The following GATAD2A variants were observed in gnomAD, a reference collection of about 807,000 sequenced individuals.
GATAD2A encodes GATA zinc finger domain containing 2A, also known as transcriptional repressor p66-alpha.
A neutral mutation model predicts 68.5 loss-of-function variants in GATAD2A; 12 were observed. The ratio of observed to expected loss-of-function variants is 0.18; its 90% confidence interval spans 0.11 to 0.28. The LOEUF (loss-of-function observed/expected upper bound fraction) is 0.28. GATAD2A is among the 10% of genes least tolerant of loss of function. The pLI is 1.00. For missense variants in GATAD2A, 755 were observed against 868.5 expected, an observed-to-expected ratio of 0.87 and a Z score of 1.64; for synonymous variants, 410 against 375.3, an observed-to-expected ratio of 1.09 and a Z score of -1.07.
intron 1 of GATAD2A, among the ~76,000 whole-genome samples, chr19:19,420,548 G>C (rs1379958076): frequency 6.8e-6 from 1 of 148,060 alleles, no homozygotes; most frequent in African/African-American, 2.5e-5. Flanking sequence ...CACTGTGTTA[G>C]CCAGGCTGAT....
chr19:19,440,869 A>G (rs895335452), intron 1 of GATAD2A, among the ~76,000 whole-genome samples: 1 of 152,218 alleles, frequency 6.6e-6, no homozygotes, highest in African/African-American at 2.4e-5. Context: ...GATACCCAAT[A>G]AAGGTAAACA....
chr19:19,429,375 G>A (rs956536003), intron 1 of GATAD2A: 2 of 250,694 alleles, frequency 8.0e-6, no homozygotes, highest in Non-Finnish European at 1.3e-5. Flanking sequence ...GTAGGCAGGC[G>A]TGCTGGGTCT....
chr19:19,502,796 A>G (rs982486927), intron 11 of GATAD2A, among the ~76,000 whole-genome samples: 3 of 152,216 alleles, frequency 2.0e-5, no homozygotes, highest in Non-Finnish European at 4.4e-5. Flanking sequence ...CCTGGCTCAG[A>G]GGGTGCCCCC....
At chr19:19,478,811 C>CAAA (rs796546803) in intron 2 of GATAD2A, among the ~76,000 whole-genome samples, 9 of 93,826 alleles carry the variant, frequency 9.6e-5, no homozygotes, top group African/African-American at 3.0e-4. Flanking sequence ...GACCTTGTCT[C>CAAA]AAAAAAAAAA....
At chr19:19,448,161 C>T (rs967932895) in intron 1 of GATAD2A, among the ~76,000 whole-genome samples, 1 of 152,254 alleles carries the variant, frequency 6.6e-6, no homozygotes, top group Non-Finnish European at 1.5e-5. Flanking sequence ...AGAAGGGGAG[C>T]ATGGCCAGCC....
chr19:19,459,987 G>A (rs565913875), intron 1 of GATAD2A, among the ~76,000 whole-genome samples: 11 of 152,364 alleles, frequency 7.2e-5, no homozygotes, highest in Admixed American at 3.9e-4. Flanking sequence ...ACTCAGAGAT[G>A]TGCGTCAGGA....
At chr19:19,404,444 G>T (rs937420900), upstream of GATAD2A, among the ~76,000 whole-genome samples, 3 of 152,050 alleles carry the variant, frequency 2.0e-5, no homozygotes, top group Non-Finnish European at 4.4e-5. Context: ...ATTTTGGGAG[G>T]CCGATGCGAA....
rs2086650891 is a variant in GATAD2A at position 19,498,499 on chromosome 19, C to G, written c.981C>G (p.Thr327=). 1 of 1,613,544 alleles carries G rather than the reference C, an allele frequency of 6.2e-7. No individual in the cohort carries two copies. Among genetic ancestry groups the G allele is most frequent in the Non-Finnish European group, 8.5e-7 (1 of 1,179,694 alleles). ...TTATSAQANS[T]PTSVASVVTS... ...CCACCTCCGCTCAGGCCAACTCCACCCCCACTAGTGTGGCCTCTGTGGTCA... is the reference window on the plus strand; with the variant it reads ...CCACCTCCGCTCAGGCCAACTCCACGCCCACTAGTGTGGCCTCTGTGGTCA... The change falls in exon 8 of 12, where the codon ACC becomes ACG. Residue 327 remains threonine, a synonymous_variant. Transcript: ENST00000683918.
intron 2 of GATAD2A, among the ~76,000 whole-genome samples, chr19:19,478,423 A>G (rs952471824): frequency 6.6e-6 from 1 of 152,082 alleles, no homozygotes; most frequent in Non-Finnish European, 1.5e-5. Context: ...CAACATGGCA[A>G]ATCCCCGTTG....
chr19:19,433,794 A>T (rs752515296), intron 1 of GATAD2A, among the ~76,000 whole-genome samples: 2 of 151,904 alleles, frequency 1.3e-5, no homozygotes, highest in African/African-American at 4.8e-5. Flanking sequence ...CCTTTTTTTG[A>T]GACAAGGTCT....
chr19:19,436,792 C>T (rs909962505), intron 1 of GATAD2A, among the ~76,000 whole-genome samples: 3 of 152,202 alleles, frequency 2.0e-5, no homozygotes, highest in Non-Finnish European at 4.4e-5. Context: ...CCAAGGCTAC[C>T]TACCTGGAGA....
chr19:19,430,890 T>C (rs1393195219), intron 1 of GATAD2A, among the ~76,000 whole-genome samples: 3 of 152,136 alleles, frequency 2.0e-5, no homozygotes, highest in Non-Finnish European at 4.4e-5. Context: ...CTTGATTTCA[T>C]GTAAATTGCC....
intron 1 of GATAD2A, among the ~76,000 whole-genome samples, chr19:19,395,148 A>G (rs994275606): frequency 6.6e-6 from 1 of 152,134 alleles, no homozygotes; most frequent in African/African-American, 2.4e-5. Context: ...TTGGGCTCCA[A>G]GTTGAGCACA....
At chr19:19,430,548 A>G (rs1050983577) in intron 1 of GATAD2A, among the ~76,000 whole-genome samples, 3 of 152,188 alleles carry the variant, frequency 2.0e-5, no homozygotes, top group Non-Finnish European at 4.4e-5. Context: ...TGGATGCAGA[A>G]CTAGTTGAAA....
chr19:19,501,791 T>C (rs2060543772), intron 9 of GATAD2A, among the ~76,000 whole-genome samples, 178 bp from the exon 10 acceptor site: 1 of 152,216 alleles, frequency 6.6e-6, no homozygotes, highest in Non-Finnish European at 1.5e-5. Context: ...GAAGCTCCCT[T>C]TTGGCAATTT....
Position 19,471,512 on chromosome 19 carries a change from A to G in GATAD2A, c.269+5898A>G, listed in dbSNP as rs564938121. Among the ~76,000 whole-genome samples, 7 of 139,804 alleles carry G rather than the reference A, an allele frequency of 5.0e-5. No homozygotes were observed. In the South Asian group the frequency reaches 1.0e-3, roughly 21 times the overall value. The allele number at this position is 139,804 out of a possible 152,430, so 91.7% of individuals were successfully genotyped here. On this transcript the variant is annotated intron_variant, in intron 2 of 11. Transcript: ENST00000683918. ...AAAGTGACCAGTGGTTGACTAGGAC[A>G]GGGCTGGGGGTGGGTGGGAGCAGTG...
At chr19:19,492,510 C>T (rs1186550636) in intron 3 of GATAD2A, 71 bp from the exon 4 acceptor site, 19 of 1,610,894 alleles carry the variant, frequency 1.2e-5, no homozygotes, top group South Asian at 2.2e-5. Flanking sequence ...TCAGGTGGAG[C>T]TAGTGATGGC....
At chr19:19,457,602 G>T (rs1433366676) in intron 1 of GATAD2A, among the ~76,000 whole-genome samples, 1 of 152,108 alleles carries the variant, frequency 6.6e-6, no homozygotes, top group Non-Finnish European at 1.5e-5. Context: ...TTAGCCGGGC[G>T]TGGTGATGGG....
At chr19:19,401,319 A>G (rs143769410), upstream of GATAD2A, among the ~76,000 whole-genome samples, 1,764 of 149,550 alleles carry the variant, frequency 0.012, 43 homozygotes, top group African/African-American at 0.04. Context: ...GTTCACGCCA[A>G]TCTCCTGCCT....
Sources: gnomAD v4.1 joint callset for allele counts (sites outside exome capture counted in the v4.1 genomes callset) on GRCh38, gnomAD v4.1.1 for gene constraint, MANE v1.5 for transcripts, NCBI Gene and HGNC (gene_info 2026-07-23, HGNC 2026-07-21) for gene names.